Variants in CNST observed in about 807,000 individuals in gnomAD.
CNST encodes consortin, connexin sorting protein.
Under a neutral mutation model 72.4 loss-of-function variants are expected in CNST, and 39 were observed. The observed-to-expected ratio is 0.54, with a 90% CI of 0.42 to 0.70. CNST has a LOEUF of 0.70. CNST is among the 30% of genes least tolerant of loss of function. The pLI is 0.00. For synonymous variants in CNST, 332 were observed against 320.1 expected, an observed-to-expected ratio of 1.04 and a Z score of -0.40; for missense variants, 871 against 868.5, an observed-to-expected ratio of 1.00 and a Z score of -0.04.
intron 1 of CNST, among the ~76,000 whole-genome samples, chr1:246,588,233 G>T (rs772245904): frequency 1.3e-5 from 2 of 151,968 alleles, no homozygotes; most frequent in African/African-American, 2.4e-5. Flanking sequence ...TTACTGAAAG[G>T]CCGTTTTACT....
At chr1:246,605,439 G>A (rs1357125184) in intron 2 of CNST, among the ~76,000 whole-genome samples, 13 of 152,238 alleles carry the variant, frequency 8.5e-5, no homozygotes. Flanking sequence ...TGGAACCCCG[G>A]GAGCGCGCCA....
chr1:246,598,058 A>G (rs568233283), intron 2 of CNST, among the ~76,000 whole-genome samples: 1 of 152,192 alleles, frequency 6.6e-6, no homozygotes, highest in South Asian at 2.1e-4. Flanking sequence ...GTGGCTCAAA[A>G]ACATCCTCAA....
At chr1:246,661,579 C>T (rs1667107586) in intron 10 of CNST, among the ~76,000 whole-genome samples, 1 of 152,214 alleles carries the variant, frequency 6.6e-6, no homozygotes, top group Admixed American at 6.5e-5. Context: ...CTGGGCCTGT[C>T]AAACTTAAGG....
chr1:246,609,202 G>C lies in CNST; in HGVS notation c.380-12227G>C, dbSNP rs540798173. ...CAGATTTATTTCAGTCATAATACCC[G>C]TGTCTAGTGTTGAGGAAAAGGAAGG... On this transcript the variant is annotated intron_variant, in intron 2 of 10. Transcript: ENST00000366513. Among the ~76,000 whole-genome samples, 12 of 152,322 alleles carry C rather than the reference G, an allele frequency of 7.9e-5. No homozygotes were observed. The South Asian group carries it at 2.5e-3, about 32-fold the overall frequency.
intron 2 of CNST, among the ~76,000 whole-genome samples, chr1:246,601,920 G>A (rs190267903): frequency 5.8e-4 from 88 of 152,346 alleles, no homozygotes; most frequent in African/African-American, 2.0e-3. Context: ...TTGGAAGATG[G>A]TAGGAGATGA....
rs139247790 is a variant in CNST, at chr1:246,591,700, C to T, written c.138C>T (p.Asp46=). Residue 46 remains aspartate (D), a synonymous_variant, in exon 2 of 11, where the codon GAC becomes GAT. Coordinates refer to ENST00000366513, the MANE Select transcript of CNST (RefSeq NM_152609.3). Reference sequence around the variant, plus strand: ...AAAATGAAAATCAGCTTGACGGGGACGGGCATGAGCATCTGACCAGCAGTG... The same window carrying T: ...AAAATGAAAATCAGCTTGACGGGGATGGGCATGAGCATCTGACCAGCAGTG... ...SDENENQLDG[D]GHEHLTSSDS... is the part of the protein sequence containing the mutation. 7.5e-4 allele frequency: 1,205 copies of T among 1,614,102 alleles called. 4 individuals carry two copies. The highest frequency in any genetic ancestry group is 5.6e-3 in the Middle Eastern group (34 of 6,062).
At chr1:246,584,769 C>T (rs1661028361) in intron 1 of CNST, among the ~76,000 whole-genome samples, 1 of 152,134 alleles carries the variant, frequency 6.6e-6, no homozygotes, top group African/African-American at 2.4e-5. Context: ...TCTATATGCT[C>T]CCCAACTCCT....
Position 246,631,937 on chromosome 1 carries a change from T to A in CNST, c.616+13T>A. The A allele has an allele frequency of 6.7e-7, 1 of 1,496,860 alleles. No homozygotes were observed. Among genetic ancestry groups the A allele is most frequent in the East Asian group, 2.3e-5 (1 of 43,930 alleles). The allele number at this position is 1,496,860 out of a possible 1,614,324, so 92.7% of individuals were successfully genotyped here. A position where few individuals can be genotyped will look rare whatever the true frequency, so the allele number is the denominator to read the frequency against. On this transcript the variant is annotated intron_variant, in intron 4 of 10. Transcript: ENST00000366513. ...CAGGAGGAGGACTGTATCCTTTTCT[T>A]AATTACAGGAAGAAATTTTTAGAAC...
Position 246,634,361 on chromosome 1 carries a change from G to A in CNST, c.704-112G>A, listed in dbSNP as rs530050993. The A allele has an allele frequency of 1.4e-4, 87 of 626,824 alleles. No individual in the cohort carries two copies. The East Asian group carries it at 2.4e-3, about 17-fold the overall frequency. The allele number at this position is 626,824 out of a possible 1,614,324, so 38.8% of individuals were successfully genotyped here. A position where few individuals can be genotyped will look rare whatever the true frequency, so the allele number is the denominator to read the frequency against. On this transcript the variant is annotated intron_variant, in intron 5 of 10. Transcript: ENST00000366513. ...TTCTAACTGTTGGGTTGTTTGAAAAGATAATTTTGCATGCAAATCTTTATG... is the reference window on the plus strand; with the variant it reads ...TTCTAACTGTTGGGTTGTTTGAAAAAATAATTTTGCATGCAAATCTTTATG...
rs150163782 is a variant in CNST at position 246,647,698 on chromosome 1, G to A, written c.1497G>A (p.Ala499=). Residue 499 remains alanine, a synonymous_variant, in exon 9 of 11, where the codon GCG becomes GCA. Transcript: ENST00000366513. ...ACAGTGATGGAAAATCACCACAGGC[G>A]CAGGCTGACTCAGACGGTTCTGAGA... is the stretch of plus-strand genomic sequence containing the variant. The part of the protein sequence containing the change: ...LTDSDGKSPQ[A]QADSDGSENV... 42 of 1,614,152 alleles carry A rather than the reference G, an allele frequency of 2.6e-5. No individual in the cohort carries two copies. The East Asian group carries it at 4.2e-4, about 16-fold the overall frequency.
intron 2 of CNST, among the ~76,000 whole-genome samples, chr1:246,612,074 T>C (rs1027234260): frequency 6.6e-6 from 1 of 152,214 alleles, no homozygotes; most frequent in African/African-American, 2.4e-5. Context: ...GAAAGTAGAA[T>C]AGAGGTTTCC....
chr1:246,652,333 C>T (rs760618278), intron 9 of CNST, among the ~76,000 whole-genome samples: 2 of 152,248 alleles, frequency 1.3e-5, no homozygotes, highest in South Asian at 2.1e-4. Flanking sequence ...GGATGACCCA[C>T]GGGGGTGCGC....
At chr1:246,629,929 G>A (rs1019000941) in intron 3 of CNST, among the ~76,000 whole-genome samples, 2 of 152,118 alleles carry the variant, frequency 1.3e-5, no homozygotes, top group East Asian at 1.9e-4. Context: ...ACAGTATTTC[G>A]CCATGTTGGC....
chr1:246,586,252 TTA>T (rs1271372052), intron 1 of CNST, among the ~76,000 whole-genome samples: 1 of 147,542 alleles, frequency 6.8e-6, no homozygotes, highest in African/African-American at 2.5e-5. Flanking sequence ...CTGATATATA[TTA>T]TATATAAAGC....
intron 9 of CNST, among the ~76,000 whole-genome samples, chr1:246,648,485 G>T (rs1460450811): frequency 6.6e-6 from 1 of 151,878 alleles, no homozygotes; most frequent in African/African-American, 2.4e-5. Context: ...AAAGAATAGA[G>T]GGAACATTTT....
chr1:246,609,031 C>A (rs1296353998), intron 2 of CNST, among the ~76,000 whole-genome samples: 2 of 152,208 alleles, frequency 1.3e-5, no homozygotes, highest in African/African-American at 4.8e-5. Context: ...TTCAGTGAAG[C>A]CCTGCATCAC....
At chr1:246,573,978 G>A (rs182800324) in intron 1 of CNST, among the ~76,000 whole-genome samples, 1 of 152,302 alleles carries the variant, frequency 6.6e-6, no homozygotes, top group South Asian at 2.1e-4. Context: ...TCGAAGTGGT[G>A]GGGGGTAGAA....
At chr1:246,635,487 C>T (rs12122261) in intron 6 of CNST, among the ~76,000 whole-genome samples, 22,995 of 151,762 alleles carry the variant, frequency 0.15, 2,695 homozygotes, top group African/African-American at 0.33. Flanking sequence ...GACTGGTACA[C>T]GGGCTACTTT....
chr1:246,642,668 A>G (rs1665787074), intron 8 of CNST, among the ~76,000 whole-genome samples: 1 of 150,716 alleles, frequency 6.6e-6, no homozygotes, highest in Admixed American at 6.6e-5. Flanking sequence ...AATAAAAATA[A>G]ATAAATATGT....
Sources: allele counts gnomAD v4.1 joint callset (sites outside exome capture counted in the v4.1 genomes callset), GRCh38; gene constraint gnomAD v4.1.1; transcripts MANE v1.5; gene names NCBI Gene and HGNC (gene_info 2026-07-23, HGNC 2026-07-21).